PEX5L: variants seen among roughly 807,000 people sequenced by gnomAD.
The protein encoded by PEX5L is PEX5-related protein.
Under a neutral mutation model 84.0 loss-of-function variants are expected in PEX5L, and 30 were observed. The ratio of observed to expected loss-of-function variants is 0.36; its 90% CI spans 0.27 to 0.48. The LOEUF is 0.48. Among genes scored for constraint, PEX5L ranks in the 20% least tolerant of loss-of-function variants. The probability of loss-of-function intolerance (pLI) is 0.99; values close to 1 mark genes in which losing one functional copy is unlikely to be tolerated. For synonymous variants in PEX5L, 270 were observed against 283.1 expected (o/e 0.95, Z 0.46); for missense variants, 533 against 754.6 (o/e 0.71, Z 3.44).
chr3:179,872,232 C>G (rs1750660183), intron 7 of PEX5L, among the ~76,000 whole-genome samples: 1 of 152,088 alleles, frequency 6.6e-6, no homozygotes, highest in Admixed American at 6.6e-5. Context: ...GTAGATTGAT[C>G]AGGTTATTCT....
chr3:179,856,220 T>C (rs1055140667), intron 8 of PEX5L, among the ~76,000 whole-genome samples: 3 of 152,246 alleles, frequency 2.0e-5, no homozygotes, highest in Non-Finnish European at 4.4e-5. Context: ...TTTCCTGATT[T>C]AGTACCTCAC....
At chr3:179,997,268 C>T (rs1264605848) in intron 1 of PEX5L, among the ~76,000 whole-genome samples, 1 of 152,136 alleles carries the variant, frequency 6.6e-6, no homozygotes, top group Non-Finnish European at 1.5e-5. Flanking sequence ...TTCCAGGGGA[C>T]CCAAAACAGC....
At position 179,815,822 on chromosome 3, in the gene PEX5L, G is replaced by GC. The variant is rs775048796; in HGVS notation, c.1083+38dup. ...TGTTATCTGTCCCTTGTTAGCACAT[G>GC]CCCTTTCTGAGTCTGGCAGAATGAA... On this transcript the variant is annotated intron_variant, in intron 10 of 14. Coordinates refer to ENST00000467460, the MANE Select transcript of PEX5L (RefSeq NM_016559.3). 3 of 1,608,214 alleles carry GC rather than the reference G, an allele frequency of 1.9e-6. No homozygotes were observed. In the Admixed American group the frequency reaches 5.0e-5, roughly 27 times the overall value.
At chr3:179,867,655 T>G (rs1016543255) in intron 7 of PEX5L, among the ~76,000 whole-genome samples, 10 of 152,182 alleles carry the variant, frequency 6.6e-5, no homozygotes, top group African/African-American at 2.4e-4. Flanking sequence ...TTAGTCTAAC[T>G]CCTCTTTCCA....
chr3:179,813,354 G>T (rs1724632285), intron 10 of PEX5L, among the ~76,000 whole-genome samples: 1 of 152,028 alleles, frequency 6.6e-6, no homozygotes, highest in African/African-American at 2.4e-5. Context: ...ATCTTCCAGG[G>T]CTGTTGTGTC....
chr3:179,962,842 A>ATATATCAACATCATTTTAC (rs1782408975), intron 2 of PEX5L, among the ~76,000 whole-genome samples: 3 of 152,220 alleles, frequency 2.0e-5, no homozygotes, highest in Admixed American at 1.3e-4. Flanking sequence ...TCAACCTGTC[A>ATATATCAACATCATTTTAC]GCTCATGTCA....
rs1459796701 is a variant in PEX5L at position 179,982,264 on chromosome 3, T to A, written c.22-10599A>T. 2.0e-5 allele frequency among the ~76,000 whole-genome samples: 3 copies of A among 152,166 alleles called. No individual in the cohort carries two copies. In the East Asian group the frequency reaches 5.8e-4, roughly 29 times the overall value. The stretch of plus-strand genomic sequence containing the variant: ...TTGCTTCTTAGTGAGACACTTTTGT[T>A]CTTAATATTTAAAAATAATAACGTG... On this transcript the variant is annotated intron_variant, in intron 1 of 14. Transcript: ENST00000467460.
intron 2 of PEX5L, among the ~76,000 whole-genome samples, chr3:179,913,702 G>A (rs931127369): frequency 8.6e-5 from 13 of 151,962 alleles, no homozygotes; most frequent in Non-Finnish European, 1.5e-4. Context: ...ATATCATAGC[G>A]TTTTTTGCTA....
At position 179,829,694 on chromosome 3, in the gene PEX5L, G is replaced by A. The variant is rs776745601; in HGVS notation, c.823-9718C>T. On this transcript the variant is annotated intron_variant, in intron 8 of 14. Coordinates refer to ENST00000467460, the MANE Select transcript of PEX5L (RefSeq NM_016559.3). ...CCGTTTTCCTTTGATGCAGGCAAAC[G>A]TCAACAGAGGGATTAGTTTAGATGC... Among the ~76,000 whole-genome samples the A allele has an allele frequency of 7.9e-5, 12 of 151,592 alleles. 1 individual carries two copies. The highest frequency in any genetic ancestry group is 6.2e-4 in the South Asian group (3 of 4,806).
chr3:180,016,998 ACAT>A lies in PEX5L; in HGVS notation c.21+19578_21+19580del, dbSNP rs1790001366. 3.3e-5 allele frequency among the ~76,000 whole-genome samples: 5 copies of A among 152,326 alleles called. No individual in the cohort carries two copies. In the South Asian group the frequency reaches 1.0e-3, roughly 32 times the overall value. ...AAAAGAGTGAGTAATGTTCATTAAC[ACAT>A]CATATTTATTTATGAAGTTATATTT... On this transcript the variant is annotated intron_variant, in intron 1 of 14. Coordinates refer to ENST00000467460, the MANE Select transcript of PEX5L (RefSeq NM_016559.3).
chr3:179,956,827 T>G (rs1472290413), intron 2 of PEX5L, among the ~76,000 whole-genome samples: 4 of 152,224 alleles, frequency 2.6e-5, no homozygotes, highest in African/African-American at 9.6e-5. Context: ...AAGATGACAC[T>G]GCAAATTCCC....
At chr3:179,869,969 C>T (rs928487904) in intron 7 of PEX5L, among the ~76,000 whole-genome samples, 4 of 152,126 alleles carry the variant, frequency 2.6e-5, no homozygotes, top group Non-Finnish European at 4.4e-5. Flanking sequence ...TAAATAGAAG[C>T]GTAAACAGAC....
intron 7 of PEX5L, among the ~76,000 whole-genome samples, chr3:179,872,971 A>G (rs1750878042): frequency 6.6e-6 from 1 of 152,206 alleles, no homozygotes; most frequent in African/African-American, 2.4e-5. Flanking sequence ...CTATTTATTC[A>G]GGAAGTTAGT....
intron 2 of PEX5L, among the ~76,000 whole-genome samples, chr3:179,921,327 C>T (rs1261687919): frequency 6.6e-6 from 1 of 152,096 alleles, no homozygotes; most frequent in African/African-American, 2.4e-5. Flanking sequence ...CACTAGAGCA[C>T]AATACAACAA....
intron 2 of PEX5L, among the ~76,000 whole-genome samples, chr3:179,932,965 A>G (rs1460355119): frequency 6.6e-6 from 1 of 152,110 alleles, no homozygotes; most frequent in Non-Finnish European, 1.5e-5. Flanking sequence ...CTGATCTCCT[A>G]AATAACTGAA....
intron 4 of PEX5L, among the ~76,000 whole-genome samples, chr3:179,886,980 T>C (rs763307573): frequency 3.3e-5 from 5 of 152,332 alleles, no homozygotes; most frequent in South Asian, 4.1e-4. Flanking sequence ...ATGTGAATGC[T>C]GACCAAATGA....
intron 7 of PEX5L, among the ~76,000 whole-genome samples, chr3:179,869,516 G>A (rs1408808367): frequency 6.6e-6 from 1 of 152,076 alleles, no homozygotes; most frequent in East Asian, 1.9e-4. Flanking sequence ...TATTGTTGGG[G>A]CTCAGAAAAA....
At chr3:179,883,869 A>C (rs1166731497) in intron 4 of PEX5L, among the ~76,000 whole-genome samples, 1 of 152,242 alleles carries the variant, frequency 6.6e-6, no homozygotes, top group Non-Finnish European at 1.5e-5. Context: ...GCTTATCTAC[A>C]GCTCTTGGAA....
intron 2 of PEX5L, among the ~76,000 whole-genome samples, chr3:179,937,515 G>A (rs1774929133): frequency 6.6e-6 from 1 of 152,102 alleles, no homozygotes; most frequent in African/African-American, 2.4e-5. Context: ...CTCCTTTCAT[G>A]TAACCATAAT....
Sources: allele counts gnomAD v4.1 joint callset (sites outside exome capture counted in the v4.1 genomes callset), GRCh38; gene constraint gnomAD v4.1.1; transcripts MANE v1.5; gene names NCBI Gene and HGNC (gene_info 2026-07-23, HGNC 2026-07-21).